SLC49A4: variants seen among roughly 807,000 people sequenced by gnomAD.
SLC49A4 encodes solute carrier family 49 member 4.
A neutral mutation model predicts 50.6 loss-of-function variants in SLC49A4; 36 were observed. The ratio of observed to expected loss-of-function variants is 0.71; its 90% CI spans 0.55 to 0.94. SLC49A4 has a LOEUF of 0.94. Among genes scored for constraint, SLC49A4 ranks in the 40% least tolerant of loss-of-function variants. The pLI is 0.00. For synonymous variants in SLC49A4, 248 were observed against 241.2 expected (o/e 1.03, Z -0.26); for missense variants, 503 against 605.7 (o/e 0.83, Z 1.78).
chr3:122,849,890 A>C (rs1328406423), intron 5 of SLC49A4, among the ~76,000 whole-genome samples: 1 of 152,166 alleles, frequency 6.6e-6, no homozygotes, highest in Non-Finnish European at 1.5e-5. Flanking sequence ...GTACTCAAAA[A>C]ATCTGTGTCC....
intron 8 of SLC49A4, 79 bp from the exon 9 acceptor site, chr3:122,879,184 C>G: frequency 2.0e-6 from 2 of 1,005,140 alleles, no homozygotes; most frequent in South Asian, 2.7e-5. Context: ...TAATGCAGAG[C>G]AGATTCCTTC....
At chr3:122,856,857 T>C (rs973817375) in intron 6 of SLC49A4, among the ~76,000 whole-genome samples, 2 of 150,640 alleles carry the variant, frequency 1.3e-5, no homozygotes, top group Non-Finnish European at 3.0e-5. Context: ...AAAAAAAGAA[T>C]TTGCTGCTAT....
intron 6 of SLC49A4, among the ~76,000 whole-genome samples, chr3:122,856,627 A>G (rs1475025434): frequency 1.3e-5 from 2 of 152,104 alleles, no homozygotes; most frequent in African/African-American, 4.8e-5. Flanking sequence ...ACCTGAGGTC[A>G]GGAGTTCAAG....
Position 122,795,102 on chromosome 3 carries a change from C to A in SLC49A4, c.-91C>A. ...GGCCGAGGGCGACCACAGCAGCCTC[C>A]GCCTCCTGCTGCTCAGGACTATTCT... On this transcript the variant is annotated 5_prime_UTR_variant, in exon 1 of 9. Transcript: ENST00000261038. 8.2e-7 allele frequency: 1 copy of A among 1,217,336 alleles called. No homozygotes were observed. The highest frequency in any genetic ancestry group is 1.0e-6 in the Non-Finnish European group (1 of 976,016). The allele number at this position is 1,217,336 out of a possible 1,614,324, so 75.4% of individuals were successfully genotyped here. A position where few individuals can be genotyped will look rare whatever the true frequency, so the allele number is the denominator to read the frequency against.
intron 6 of SLC49A4, among the ~76,000 whole-genome samples, chr3:122,857,241 T>C (rs1187657811): frequency 6.9e-6 from 1 of 144,450 alleles, no homozygotes; most frequent in Non-Finnish European, 1.5e-5. Context: ...CAACAACACA[T>C]TGTTAGAATG....
chr3:122,804,099 A>G (rs1553760138), intron 1 of SLC49A4, among the ~76,000 whole-genome samples: 2 of 152,224 alleles, frequency 1.3e-5, no homozygotes, highest in Non-Finnish European at 1.5e-5. Context: ...CGGGTTTTAC[A>G]GGAAACATGG....
At chr3:122,837,892 G>T (rs1403197897) in intron 4 of SLC49A4, among the ~76,000 whole-genome samples, 4 of 152,108 alleles carry the variant, frequency 2.6e-5, no homozygotes, top group African/African-American at 9.7e-5. Flanking sequence ...CAAAAAGTGG[G>T]CAAAGGATAT....
intron 4 of SLC49A4, among the ~76,000 whole-genome samples, chr3:122,835,465 C>T (rs190849407): frequency 1.5e-4 from 23 of 151,594 alleles, no homozygotes; most frequent in Admixed American, 3.9e-4. Context: ...GTTTAAAATA[C>T]GCAAGTCAAA....
chr3:122,819,198 C>T (rs116702599), intron 2 of SLC49A4, among the ~76,000 whole-genome samples: 244 of 143,202 alleles, frequency 1.7e-3, no homozygotes, highest in African/African-American at 5.7e-3. Context: ...GAGCTGCCTT[C>T]GTGCCACTGC....
intron 5 of SLC49A4, among the ~76,000 whole-genome samples, chr3:122,853,052 A>G (rs1273424971): frequency 6.6e-6 from 1 of 152,200 alleles, no homozygotes; most frequent in Non-Finnish European, 1.5e-5. Context: ...AATACTTTAG[A>G]CTGGGTAATT....
intron 7 of SLC49A4, among the ~76,000 whole-genome samples, chr3:122,864,733 A>G (rs906189011): frequency 4.6e-5 from 7 of 152,208 alleles, no homozygotes; most frequent in African/African-American, 1.7e-4. Context: ...GGCATGCAAC[A>G]GCTGGGTCAG....
At chr3:122,846,462 T>C (rs1936854406) in intron 5 of SLC49A4, among the ~76,000 whole-genome samples, 1 of 152,186 alleles carries the variant, frequency 6.6e-6, no homozygotes, top group African/African-American at 2.4e-5. Flanking sequence ...TGGATTGGAT[T>C]GTTAACCAGT....
intron 7 of SLC49A4, 111 bp from the exon 8 acceptor site, chr3:122,872,303 GA>G (rs1440730138): frequency 2.1e-6 from 2 of 931,188 alleles, no homozygotes; most frequent in Non-Finnish European, 3.2e-6. Context: ...AACTACCTTT[GA>G]AAAGAAGAAA....
chr3:122,837,964 T>C (rs955782589), intron 4 of SLC49A4, among the ~76,000 whole-genome samples: 146 of 152,156 alleles, frequency 9.6e-4, no homozygotes, highest in African/African-American at 3.2e-3. Context: ...AAAATGCTCA[T>C]CATCACTGGC....
intron 7 of SLC49A4, among the ~76,000 whole-genome samples, chr3:122,862,497 G>C (rs1231182773): frequency 6.6e-6 from 1 of 152,146 alleles, no homozygotes; most frequent in East Asian, 1.9e-4. Context: ...GAACAATTTT[G>C]GCAAGTATTC....
chr3:122,816,270 G>T (rs1441011231), intron 2 of SLC49A4, among the ~76,000 whole-genome samples: 1 of 152,118 alleles, frequency 6.6e-6, no homozygotes, highest in Non-Finnish European at 1.5e-5. Flanking sequence ...TTATATTGCA[G>T]GCCTCGGGCA....
At chr3:122,824,569 C>G (rs908803794) in intron 2 of SLC49A4, among the ~76,000 whole-genome samples, 2 of 151,850 alleles carry the variant, frequency 1.3e-5, no homozygotes, top group Non-Finnish European at 2.9e-5. Context: ...CTCTTCTCTT[C>G]TTTCTTTCTC....
intron 2 of SLC49A4, among the ~76,000 whole-genome samples, chr3:122,822,578 A>G (rs1354170533): frequency 6.6e-6 from 1 of 152,134 alleles, no homozygotes. Flanking sequence ...TGGTGGTTAC[A>G]TTTCAGTTAT....
intron 7 of SLC49A4, among the ~76,000 whole-genome samples, chr3:122,862,690 A>G (rs1352982753): frequency 6.6e-6 from 1 of 152,248 alleles, no homozygotes; most frequent in South Asian, 2.1e-4. Flanking sequence ...ACAAGAACAT[A>G]GTCATGAGTA....
Sources: allele counts gnomAD v4.1 joint callset (sites outside exome capture counted in the v4.1 genomes callset), GRCh38; gene constraint gnomAD v4.1.1; transcripts MANE v1.5; gene names NCBI Gene and HGNC (gene_info 2026-07-23, HGNC 2026-07-21).